The following PCDHA9 variants were observed in gnomAD, a reference collection of about 807,000 sequenced individuals.
The protein encoded by PCDHA9 is protocadherin alpha-9.
In PCDHA9, 62 loss-of-function variants were observed where a neutral mutation model predicts 62.0. The observed-to-expected ratio is 1.00, with a 90% CI of 0.81 to 1.23. The LOEUF is 1.23. Ranked by LOEUF, PCDHA9 falls within the 50% of genes most tolerant of loss-of-function variation. PCDHA9 has a pLI of 0.00. For synonymous variants in PCDHA9, 557 were observed against 567.6 expected (o/e 0.98, Z 0.27); for missense variants, 1,205 against 1,249.8 (o/e 0.96, Z 0.54).
intron 1 of PCDHA9, chr5:140,864,867 C>A (rs868913325): frequency 3.9e-5 from 6 of 152,058 alleles, no homozygotes; most frequent in South Asian, 2.1e-4. Context: ...AAGGGTGATA[C>A]CATTGTCTGT....
At chr5:140,979,215 G>A (rs1463069868) in intron 2 of PCDHA9, among the ~76,000 whole-genome samples, 5 of 152,178 alleles carry the variant, frequency 3.3e-5, no homozygotes, top group African/African-American at 4.8e-5. Context: ...TGGCATATAA[G>A]AGTCCTCTGT....
At chr5:140,868,907 A>T in intron 1 of PCDHA9, 1 of 869,128 alleles carries the variant, frequency 1.2e-6, no homozygotes, top group Non-Finnish European at 1.7e-6. Flanking sequence ...GTCGCTCTTT[A>T]CTTGGTGGAA....
intron 1 of PCDHA9, among the ~76,000 whole-genome samples, chr5:140,975,701 T>A (rs2153808072): frequency 6.6e-6 from 1 of 152,358 alleles, no homozygotes; most frequent in East Asian, 1.9e-4. Flanking sequence ...AAACTTATTT[T>A]ACTTTAAATC....
chr5:140,941,748 T>G (rs2093156951), intron 1 of PCDHA9, among the ~76,000 whole-genome samples: 1 of 152,210 alleles, frequency 6.6e-6, no homozygotes, highest in South Asian at 2.1e-4. Flanking sequence ...CTTATCAGAT[T>G]TTCAGTGCTT....
Position 140,863,381 on chromosome 5 carries a change from G to A in PCDHA9, c.2394+12492G>A, listed in dbSNP as rs1186134797. 4 of 1,058,516 alleles carry A rather than the reference G, an allele frequency of 3.8e-6. No homozygotes were observed. In the African/African-American group the frequency reaches 4.8e-5, roughly 13 times the overall value. 65.6% of individuals were successfully genotyped at this position (1,058,516 alleles called of 1,614,324 possible). ...CGGTGCTTGGCGCAGCTCACCGAGAGCTCGTGCATGCCGGGCAAGCCCACG... is the reference window on the plus strand; with the variant it reads ...CGGTGCTTGGCGCAGCTCACCGAGAACTCGTGCATGCCGGGCAAGCCCACG... On this transcript the variant is annotated intron_variant, in intron 1 of 3. Transcript: ENST00000532602.
Position 140,869,089 on chromosome 5 carries a change from C to A in PCDHA9, c.2394+18200C>A, listed in dbSNP as rs141432478. On this transcript the variant is annotated intron_variant, in intron 1 of 3. Coordinates refer to ENST00000532602, the MANE Select transcript of PCDHA9 (RefSeq NM_031857.2). Reference sequence around the variant, plus strand: ...AGTGTAAAGAAGCTTATTTTGGAAGCCAATTTCGTATGCGATGTTTGGTTT... The same window carrying A: ...AGTGTAAAGAAGCTTATTTTGGAAGACAATTTCGTATGCGATGTTTGGTTT... 9.7e-5 allele frequency: 154 copies of A among 1,588,996 alleles called. No individual in the cohort carries two copies. The East Asian group carries it at 3.4e-3, about 35-fold the overall frequency.
At chr5:140,938,876 AAC>A (rs142461507) in intron 1 of PCDHA9, among the ~76,000 whole-genome samples, 10 of 151,120 alleles carry the variant, frequency 6.6e-5, no homozygotes, top group Non-Finnish European at 1.3e-4. Flanking sequence ...GTTAAGAAGC[AAC>A]ACACACACAC....
At position 140,982,478 on chromosome 5, in the gene PCDHA9, T is replaced by C; in HGVS notation, c.2457T>C (p.Ser819=). ...CTGGGTCTGTGTGTTTATTCAGCTCTGTGCACCTAGAGGAGGCTGGCATTC... is the reference window on the plus strand; with the variant it reads ...CTGGGTCTGTGTGTTTATTCAGCTCCGTGCACCTAGAGGAGGCTGGCATTC... ...SASLRAGMHS[S]VHLEEAGILR... Residue 819 remains serine (S), a synonymous_variant, in exon 3 of 4, where the codon TCT becomes TCC. Coordinates refer to ENST00000532602, the MANE Select transcript of PCDHA9 (RefSeq NM_031857.2). 1 of 1,614,192 alleles carries C rather than the reference T, an allele frequency of 6.2e-7. No individual in the cohort carries two copies. The highest frequency in any genetic ancestry group is 2.2e-5 in the East Asian group (1 of 44,884).
rs781845787 is a variant in PCDHA9, at chr5:140,884,003, G to C, written c.2394+33114G>C. 7.4e-6 allele frequency: 12 copies of C among 1,613,086 alleles called. No homozygotes were observed. In the South Asian group the frequency reaches 1.3e-4, roughly 18 times the overall value. ...TGGCAGCGCGGGAGGCACAGTGAGC[G>C]AGCTGATGCCGCGGTCGGTGGGTGC... On this transcript the variant is annotated intron_variant, in intron 1 of 3. Transcript: ENST00000532602.
intron 1 of PCDHA9, chr5:140,855,790 T>G: frequency 2.3e-6 from 1 of 441,252 alleles, no homozygotes; most frequent in East Asian, 3.4e-5. Context: ...AAAAAAGAAT[T>G]AACATATGAA....
rs369919324 is a variant in PCDHA9 at position 140,857,387 on chromosome 5, G to T, written c.2394+6498G>T. 3.0e-5 allele frequency: 48 copies of T among 1,598,472 alleles called. 4 individuals carry two copies. The highest frequency in any genetic ancestry group is 3.3e-5 in the Non-Finnish European group (38 of 1,167,956). ...CAGCGTGTCTGTGGAGGTGGCCGAC[G>T]TGAACGACAACGCGCCTGCGTTCGC... is the stretch of plus-strand genomic sequence containing the variant. On this transcript the variant is annotated intron_variant, in intron 1 of 3. Transcript: ENST00000532602.
intron 3 of PCDHA9, among the ~76,000 whole-genome samples, chr5:140,994,044 G>C (rs782758789): frequency 9.9e-5 from 15 of 152,240 alleles, no homozygotes; most frequent in Middle Eastern, 3.4e-3. Flanking sequence ...ATATAACACA[G>C]TCCTGCCCTT....
chr5:140,882,081 T>G, intron 1 of PCDHA9: 1 of 985,220 alleles, frequency 1.0e-6, no homozygotes, highest in Non-Finnish European at 1.5e-6. Context: ...ATGGTGTCGC[T>G]CTTCACTGAG....
chr5:140,869,654 C>T, intron 1 of PCDHA9: 1 of 1,613,446 alleles, frequency 6.2e-7, no homozygotes, highest in Non-Finnish European at 8.5e-7. Flanking sequence ...GATTCACCAA[C>T]AAATGGTAAG....
At chr5:140,916,539 A>G (rs114063131) in intron 1 of PCDHA9, among the ~76,000 whole-genome samples, 1,727 of 152,262 alleles carry the variant, frequency 0.011, 30 homozygotes, top group African/African-American at 0.038. Context: ...CACCAAGGCA[A>G]TGGGTTTTCT....
In PCDHA9 at chr5:140,976,256, AAC is replaced by A. The variant is rs372931931; in HGVS notation, c.2395-2689_2395-2688del. On this transcript the variant is annotated intron_variant, in intron 1 of 3. Transcript: ENST00000532602. Reference sequence around the variant, plus strand: ...TGTCATTTCATGTAAATTTATTTAAAACACAGACTTTTGGCAAGGCACAGTGG... The same window carrying A: ...TGTCATTTCATGTAAATTTATTTAAAACAGACTTTTGGCAAGGCACAGTGG... Among the ~76,000 whole-genome samples the A allele has an allele frequency of 3.2e-3, 487 of 152,352 alleles. 7 individuals carry two copies. Among genetic ancestry groups the A allele is most frequent in the Middle Eastern group, 0.01 (3 of 294 alleles).
At chr5:140,883,367 G>A (rs782044159) in intron 1 of PCDHA9, 2 of 1,614,124 alleles carry the variant, frequency 1.2e-6, no homozygotes, top group East Asian at 2.2e-5. Context: ...TCAGCCTAGC[G>A]CCATTATTGC....
chr5:140,969,276 G>T, intron 1 of PCDHA9: 1 of 1,614,202 alleles, frequency 6.2e-7, no homozygotes, highest in Non-Finnish European at 8.5e-7. Context: ...GGCCAAAGTG[G>T]TCAGAATGCT....
intron 3 of PCDHA9, among the ~76,000 whole-genome samples, chr5:140,997,372 A>G (rs2097768557): frequency 6.6e-6 from 1 of 152,208 alleles, no homozygotes; most frequent in Non-Finnish European, 1.5e-5. Context: ...CCTAGATGAT[A>G]TAGCATACTA....
Sources: gnomAD v4.1 joint callset for allele counts (sites outside exome capture counted in the v4.1 genomes callset) on GRCh38, gnomAD v4.1.1 for gene constraint, MANE v1.5 for transcripts, NCBI Gene and HGNC (gene_info 2026-07-23, HGNC 2026-07-21) for gene names.